The following MTSS1 variants were observed in gnomAD, a reference collection of about 807,000 sequenced individuals.
MTSS1 encodes the protein MTSS I-BAR domain containing 1.
MTSS1 carries 18 observed loss-of-function variants against 79.0 expected under a neutral mutation model. The ratio of observed to expected loss-of-function variants is 0.23; its 90% CI spans 0.16 to 0.34. The LOEUF (loss-of-function observed/expected upper bound fraction) is 0.34, where lower values mean the gene tolerates loss of function less well. MTSS1 is among the 10% of genes least tolerant of loss of function. The pLI is 1.00. For synonymous variants in MTSS1, 341 were observed against 368.6 expected, an observed-to-expected ratio of 0.93 and a Z score of 0.86; for missense variants, 815 against 986.2, an observed-to-expected ratio of 0.83 and a Z score of 2.33.
At chr8:124,627,970 C>T (rs1054507014) in intron 3 of MTSS1, among the ~76,000 whole-genome samples, 1 of 152,168 alleles carries the variant, frequency 6.6e-6, no homozygotes, top group Non-Finnish European at 1.5e-5. Flanking sequence ...AGTTAGAGAC[C>T]AGCCTGGCCA....
At chr8:124,693,071 T>C (rs1001790201) in intron 3 of MTSS1, among the ~76,000 whole-genome samples, 1 of 151,976 alleles carries the variant, frequency 6.6e-6, no homozygotes, top group African/African-American at 2.4e-5. Context: ...ATACAGCTCT[T>C]AAACTCCTGG....
chr8:124,609,276 A>T (rs2133224801), intron 3 of MTSS1, among the ~76,000 whole-genome samples: 1 of 151,772 alleles, frequency 6.6e-6, no homozygotes, highest in East Asian at 1.9e-4. Flanking sequence ...GTCCCATCCC[A>T]AACCACACTC....
intron 1 of MTSS1, among the ~76,000 whole-genome samples, chr8:124,705,573 C>T (rs1348007634): frequency 6.6e-6 from 1 of 152,146 alleles, no homozygotes; most frequent in African/African-American, 2.4e-5. Flanking sequence ...TGAACCCTGA[C>T]AAGGTAAAAA....
In MTSS1 at chr8:124,727,087, C is replaced by T. The variant is rs532018071; in HGVS notation, c.72+797G>A. On this transcript the variant is annotated intron_variant, in intron 1 of 13. Coordinates refer to ENST00000518547, the MANE Select transcript of MTSS1 (RefSeq NM_014751.6). This position sits in a 1 kb window ranked among gnomAD's most constrained non-coding sequence, Gnocchi z 4.7. ...CAGGGTGTTGTTCCCCGCCCCCACG[C>T]GCGCGCGCGCACACACACATGCACG... Among the ~76,000 whole-genome samples the T allele has an allele frequency of 8.6e-5, 13 of 151,908 alleles. No individual in the cohort carries two copies. The highest frequency in any genetic ancestry group is 2.9e-5 in the Non-Finnish European group (2 of 67,940).
chr8:124,622,787 C>T lies in MTSS1; in HGVS notation c.209-31552G>A, dbSNP rs536761974. 9.8e-5 allele frequency among the ~76,000 whole-genome samples: 12 copies of T among 123,070 alleles called. No homozygotes were observed. The South Asian group carries it at 3.8e-3, about 39-fold the overall frequency. The allele number at this position is 123,070 out of a possible 152,430, so 80.7% of individuals were successfully genotyped here. A position where few individuals can be genotyped will look rare whatever the true frequency, so the allele number is the denominator to read the frequency against. On this transcript the variant is annotated intron_variant, in intron 3 of 13. Transcript: ENST00000518547. ...TAGCCTGGGCGGCAGAGCAGGGAGT[C>T]CATCTCAAAAAAAAAAAAAAAAGTA...
chr8:124,627,770 G>A (rs1033037877), intron 3 of MTSS1, among the ~76,000 whole-genome samples: 27 of 152,246 alleles, frequency 1.8e-4, no homozygotes, highest in Non-Finnish European at 1.9e-4. Context: ...AGCTTCCACA[G>A]GCCATAGGGA....
intron 3 of MTSS1, among the ~76,000 whole-genome samples, chr8:124,643,830 C>T (rs1471942099): frequency 1.3e-5 from 2 of 151,182 alleles, no homozygotes; most frequent in Non-Finnish European, 2.9e-5. Flanking sequence ...CAACAAAATA[C>T]TACATTAGGT....
At chr8:124,706,223 G>A (rs1830368681) in intron 1 of MTSS1, among the ~76,000 whole-genome samples, 1 of 152,142 alleles carries the variant, frequency 6.6e-6, no homozygotes, top group Non-Finnish European at 1.5e-5. Flanking sequence ...AGAGATATCT[G>A]GAAAGTTGTC....
chr8:124,553,924 G>A lies in MTSS1; in HGVS notation c.1568-232C>T, dbSNP rs776213415. ...AAGTACCTAGAACAGTGCTGGACAC[G>A]GTAGGCACTCAAATATCGTCAATGG... On this transcript the variant is annotated intron_variant, in intron 13 of 13. Coordinates refer to ENST00000518547, the MANE Select transcript of MTSS1 (RefSeq NM_014751.6). The surrounding 1 kb of genome is among the most constrained non-coding windows in gnomAD (Gnocchi z 6.0). Among the ~76,000 whole-genome samples the A allele has an allele frequency of 6.6e-5, 10 of 152,140 alleles. No homozygotes were observed. The highest frequency in any genetic ancestry group is 7.3e-5 in the Non-Finnish European group (5 of 68,044).
chr8:124,574,262 T>A (rs1394574371), intron 6 of MTSS1, among the ~76,000 whole-genome samples: 1 of 152,182 alleles, frequency 6.6e-6, no homozygotes, highest in African/African-American at 2.4e-5. Context: ...AAGGAATTTT[T>A]AAATGAGGAA....
chr8:124,599,161 T>C (rs1376499510), intron 3 of MTSS1, among the ~76,000 whole-genome samples: 2 of 152,182 alleles, frequency 1.3e-5, no homozygotes, highest in Non-Finnish European at 2.9e-5. Context: ...GTGAAATTGA[T>C]TACTGTACCC....
At chr8:124,601,641 G>A (rs1031666649) in intron 3 of MTSS1, among the ~76,000 whole-genome samples, 2 of 152,224 alleles carry the variant, frequency 1.3e-5, no homozygotes, top group Non-Finnish European at 2.9e-5. Context: ...CTTGACGGCG[G>A]GCTGGAGGAC....
chr8:124,687,737 T>G (rs1401862978), intron 3 of MTSS1, among the ~76,000 whole-genome samples: 1 of 152,204 alleles, frequency 6.6e-6, no homozygotes, highest in Non-Finnish European at 1.5e-5. Context: ...AAGAAGAATG[T>G]TTACTATCGC....
intron 3 of MTSS1, among the ~76,000 whole-genome samples, chr8:124,601,100 G>A (rs1833725539): frequency 8.0e-6 from 1 of 124,508 alleles, no homozygotes; most frequent in South Asian, 2.6e-4. Context: ...TCACTCTGTT[G>A]CCTAGGCTGG....
At position 124,565,712 on chromosome 8, in the gene MTSS1, C is replaced by T. The variant is rs535719705; in HGVS notation, c.774G>A (p.Thr258=). ...TGGTGGTGCTGGGGGAAGAGGGTGG[C>T]GTCTGATACGACCAGCTGTAATCAG... The part of the protein sequence containing the change: ...KGSDYSWSYQ[T]PPSSPSTTMS... The change falls in exon 9 of 14, where the codon ACG becomes ACA. Residue 258 remains threonine, a synonymous_variant. Transcript: ENST00000518547. 1.4e-5 allele frequency: 22 copies of T among 1,614,048 alleles called. No individual in the cohort carries two copies. Among genetic ancestry groups the T allele is most frequent in the East Asian group, 2.2e-5 (1 of 44,882 alleles).
rs77943638 is a variant in MTSS1 at position 124,646,001 on chromosome 8, C to T, written c.208+53525G>A. ...CTCCCCTCCTTTCCACTGTGAATGT[C>T]TATTTAGAAAAAAGTATGTAAAATA... On this transcript the variant is annotated intron_variant, in intron 3 of 13. Transcript: ENST00000518547. 5.3e-5 allele frequency among the ~76,000 whole-genome samples: 8 copies of T among 152,234 alleles called. No individual in the cohort carries two copies. In the East Asian group the frequency reaches 1.3e-3, roughly 26 times the overall value.
chr8:124,569,182 G>T (rs973011498), intron 6 of MTSS1, among the ~76,000 whole-genome samples: 12 of 152,160 alleles, frequency 7.9e-5, no homozygotes, highest in African/African-American at 2.7e-4. Flanking sequence ...TGAAAGTGGG[G>T]TCTATGCGGA....
chr8:124,685,574 G>T (rs1246674671), intron 3 of MTSS1, among the ~76,000 whole-genome samples: 2 of 152,164 alleles, frequency 1.3e-5, no homozygotes, highest in Non-Finnish European at 2.9e-5. Context: ...GTCTGCAGGT[G>T]AGGGAAGGGA....
intron 7 of MTSS1, chr8:124,567,949 C>A: frequency 7.2e-7 from 1 of 1,395,704 alleles, no homozygotes; most frequent in South Asian, 1.7e-5. Flanking sequence ...ATCTCATGGT[C>A]ACCCCTTAGT....
Sources: gnomAD v4.1 joint callset for allele counts (sites outside exome capture counted in the v4.1 genomes callset) on GRCh38, gnomAD v4.1.1 for gene constraint, Gnocchi (gnomAD v3.1) non-coding constraint, MANE v1.5 for transcripts, NCBI Gene and HGNC (gene_info 2026-07-23, HGNC 2026-07-21) for gene names.